Variants in MPRIP observed in about 807,000 individuals in gnomAD.
MPRIP encodes the protein myosin phosphatase Rho interacting protein, also known as myosin phosphatase Rho-interacting protein.
MPRIP carries 59 observed loss-of-function variants against 234.9 expected under a neutral mutation model. The ratio of observed to expected loss-of-function variants is 0.25; its 90% CI spans 0.20 to 0.31. The LOEUF is 0.31. Among genes scored for constraint, MPRIP ranks in the 10% least tolerant of loss-of-function variants. The pLI is 1.00. For missense variants in MPRIP, 2,436 were observed against 3,071.0 expected (o/e 0.79, Z 4.89); for synonymous variants, 1,144 against 1,263.9 (o/e 0.91, Z 2.01).
chr17:17,144,288 G>C (rs953481671), intron 9 of MPRIP, among the ~76,000 whole-genome samples: 1 of 152,232 alleles, frequency 6.6e-6, no homozygotes, highest in Non-Finnish European at 1.5e-5. Flanking sequence ...ATGGGCCTCC[G>C]GCCTGCCCCA....
chr17:17,105,013 T>C (rs1465544105), intron 3 of MPRIP, among the ~76,000 whole-genome samples: 1 of 152,136 alleles, frequency 6.6e-6, no homozygotes, highest in Admixed American at 6.5e-5. Flanking sequence ...GTCCCAGGTA[T>C]CCACTGGGCG....
rs778200525 is a variant in MPRIP, at chr17:17,150,150, G to A, written c.1636G>A (p.Asp546Asn). Reference protein sequence around the residue: ...YRDSVAEEAADLDGEIDLSAC... With the variant: ...YRDSVAEEAANLDGEIDLSAC... ...TTCTCACTTCCCTCGGCAGGCAGCC[G>A]ACTTGGATGGAGAAATTGACTTGTC... Residue 546 changes from aspartate (D) to asparagine (N), a missense_variant, in exon 12 of 24, where the codon GAC (aspartate) becomes AAC (asparagine). Physicochemically the swap from Asp to Asn is conservative, Grantham distance 23. Coordinates refer to ENST00000651222, the MANE Select transcript of MPRIP (RefSeq NM_001364716.4). 18 of 1,613,270 alleles carry A rather than the reference G, an allele frequency of 1.1e-5. No homozygotes were observed. The East Asian group carries it at 2.2e-4, about 20-fold the overall frequency.
intron 3 of MPRIP, among the ~76,000 whole-genome samples, chr17:17,108,353 A>C (rs1329456950): frequency 1.3e-5 from 2 of 152,214 alleles, no homozygotes; most frequent in Non-Finnish European, 2.9e-5. Flanking sequence ...CCTGGGACAG[A>C]CAGCCATCGG....
At chr17:17,131,443 G>T (rs1413344370) in intron 4 of MPRIP, among the ~76,000 whole-genome samples, 174 bp from the exon 5 acceptor site, 2 of 152,216 alleles carry the variant, frequency 1.3e-5, no homozygotes, top group Non-Finnish European at 2.9e-5. Context: ...GCCTGCTGTG[G>T]GTGTGGCAGG....
intron 3 of MPRIP, among the ~76,000 whole-genome samples, chr17:17,113,516 A>G (rs1035150279): frequency 7.2e-5 from 11 of 152,244 alleles, no homozygotes; most frequent in African/African-American, 2.4e-4. Context: ...GTGTATATAC[A>G]TACTACATTT....
intron 1 of MPRIP, among the ~76,000 whole-genome samples, chr17:17,069,979 T>A (rs546667710): frequency 6.6e-6 from 1 of 152,320 alleles, no homozygotes; most frequent in East Asian, 1.9e-4. Context: ...TCTGAGAAGG[T>A]CTGGATTTCC....
intron 1 of MPRIP, among the ~76,000 whole-genome samples, chr17:17,073,916 C>T (rs1290226315): frequency 2.0e-5 from 3 of 152,210 alleles, no homozygotes; most frequent in Non-Finnish European, 4.4e-5. Context: ...CAAGCCTCTC[C>T]TGTCCTTGCA....
intron 1 of MPRIP, among the ~76,000 whole-genome samples, chr17:17,052,496 GGTTCAGCAGA>G (rs1309104971): frequency 6.6e-6 from 1 of 152,152 alleles, no homozygotes; most frequent in African/African-American, 2.4e-5. Flanking sequence ...GACCTGGAGA[GGTTCAGCAGA>G]GGTTCAGCGA....
At chr17:17,046,615 T>C (rs1213941882) in intron 1 of MPRIP, among the ~76,000 whole-genome samples, 1 of 152,236 alleles carries the variant, frequency 6.6e-6, no homozygotes, top group Non-Finnish European at 1.5e-5. Flanking sequence ...TATTTTTGTT[T>C]CTTTTGTGGA....
At chr17:17,093,378 A>G (rs1315616146) in intron 3 of MPRIP, among the ~76,000 whole-genome samples, 1 of 152,226 alleles carries the variant, frequency 6.6e-6, no homozygotes, top group Non-Finnish European at 1.5e-5. Flanking sequence ...AGAGAAGTGT[A>G]AAATGCTTGA....
At chr17:17,101,291 C>G (rs929471777) in intron 3 of MPRIP, among the ~76,000 whole-genome samples, 2 of 152,226 alleles carry the variant, frequency 1.3e-5, no homozygotes, top group African/African-American at 4.8e-5. Flanking sequence ...AAAGGCCGGG[C>G]CTGGTGGCCC....
At chr17:17,067,592 G>C (rs1462392736) in intron 1 of MPRIP, among the ~76,000 whole-genome samples, 2 of 152,152 alleles carry the variant, frequency 1.3e-5, no homozygotes, top group Non-Finnish European at 2.9e-5. Context: ...GGTTGACCGT[G>C]GGTAAGGGAA....
At chr17:17,053,693 A>AT (rs2088609881) in intron 1 of MPRIP, among the ~76,000 whole-genome samples, 1 of 152,098 alleles carries the variant, frequency 6.6e-6, no homozygotes, top group Non-Finnish European at 1.5e-5. Context: ...TTCCACTGTG[A>AT]TTTTGTGGGC....
chr17:17,046,144 A>G (rs2088343310), intron 1 of MPRIP, among the ~76,000 whole-genome samples: 1 of 152,208 alleles, frequency 6.6e-6, no homozygotes, highest in Non-Finnish European at 1.5e-5. Context: ...AACTGTGTGC[A>G]TGTATTTGCT....
intron 13 of MPRIP, among the ~76,000 whole-genome samples, chr17:17,157,840 A>C (rs1050761904): frequency 2.2e-4 from 34 of 152,208 alleles, no homozygotes; most frequent in Non-Finnish European, 4.1e-4. Flanking sequence ...AAAAAAAAAA[A>C]AACAAAACAT....
At chr17:17,151,362 G>A (rs990300150) in intron 12 of MPRIP, among the ~76,000 whole-genome samples, 1 of 152,194 alleles carries the variant, frequency 6.6e-6, no homozygotes, top group African/African-American at 2.4e-5. Flanking sequence ...GACTGGGGGA[G>A]TCACAGATGC....
rs1168469935 is a variant in MPRIP, at chr17:17,189,589, AT to A, written c.*4697del. 1.3e-5 allele frequency: 2 copies of A among 152,222 alleles called. No homozygotes were observed. The highest frequency in any genetic ancestry group is 2.4e-5 in the African/African-American group (1 of 41,460). 9.4% of individuals were successfully genotyped at this position (152,222 alleles called of 1,614,324 possible). ...TCTATAAAGAATGGAAATGTATGAT[AT>A]TATACTTCAAAGGAATTTGATGTTG... On this transcript the variant is annotated 3_prime_UTR_variant, in exon 24 of 24. Transcript: ENST00000651222.
rs201774407 is a variant in MPRIP, at chr17:17,177,423, G to C, written c.7120+11G>C. The C allele has an allele frequency of 6.8e-6, 11 of 1,610,966 alleles. No individual in the cohort carries two copies. The highest frequency in any genetic ancestry group is 1.7e-5 in the Admixed American group (1 of 59,930). On this transcript the variant is annotated intron_variant, in intron 22 of 23. Coordinates refer to ENST00000651222, the MANE Select transcript of MPRIP (RefSeq NM_001364716.4). ...CGGTGTCCGGATATGGTGCGTCCTC[G>C]GGTCATGCCCTCTCGGTTATTGCTG...
chr17:17,137,825 TG>T, intron 6 of MPRIP, 90 bp from the exon 7 acceptor site: 1 of 1,218,126 alleles, frequency 8.2e-7, no homozygotes, highest in Non-Finnish European at 1.1e-6. Context: ...GGCCCCTGCT[TG>T]GATCCTACAT....
Sources: allele counts gnomAD v4.1 joint callset (sites outside exome capture counted in the v4.1 genomes callset), GRCh38; gene constraint gnomAD v4.1.1; transcripts MANE v1.5; gene names NCBI Gene and HGNC (gene_info 2026-07-23, HGNC 2026-07-21).